The following COQ6 variants were observed in gnomAD, a reference collection of about 807,000 sequenced individuals.
COQ6 encodes the protein ubiquinone biosynthesis monooxygenase COQ6, mitochondrial.
COQ6 carries 45 observed loss-of-function variants against 55.5 expected under a neutral mutation model. That is an observed-to-expected ratio of 0.81 (90% CI 0.64 to 1.04). COQ6 has a LOEUF of 1.04. COQ6 is among the 50% of genes least tolerant of loss of function. The pLI is 0.00. For synonymous variants in COQ6, 206 were observed against 230.5 expected, an observed-to-expected ratio of 0.89 and a Z score of 0.96; for missense variants, 550 against 601.3, an observed-to-expected ratio of 0.91 and a Z score of 0.89.
chr14:73,955,817 T>G lies in COQ6; in HGVS notation c.370T>G (p.Cys124Gly). Residue 124 changes from cysteine to glycine, a missense_variant, in exon 4 of 12, where the codon TGC (cysteine) becomes GGC (glycine). Coordinates refer to ENST00000334571, the MANE Select transcript of COQ6 (RefSeq NM_182476.3). ...AFRRMQVWDA[C>G]SEALIMFDKD... ...TTTGTGTTTCCAGGTGTGGGACGCCTGCTCAGAGGCCCTGATAATGTTTGA... is the reference window on the plus strand; with the variant it reads ...TTTGTGTTTCCAGGTGTGGGACGCCGGCTCAGAGGCCCTGATAATGTTTGA... The G allele has an allele frequency of 6.2e-7, 1 of 1,614,190 alleles. No individual in the cohort carries two copies. Among genetic ancestry groups the G allele is most frequent in the Non-Finnish European group, 8.5e-7 (1 of 1,180,022 alleles).
intron 11 of COQ6, 102 bp from the exon 12 acceptor site, chr14:73,962,868 C>T: frequency 9.9e-7 from 1 of 1,006,370 alleles, no homozygotes; most frequent in Non-Finnish European, 1.5e-6. Flanking sequence ...TGAAATAAAA[C>T]AAGGACACTT....
chr14:73,950,785 T>C lies in COQ6; in HGVS notation c.163+290T>C, dbSNP rs76260393. 8.5e-3 allele frequency among the ~76,000 whole-genome samples: 1,295 copies of C among 152,350 alleles called. 8 individuals carry two copies. Among genetic ancestry groups the C allele is most frequent in the African/African-American group, 0.03 (1,237 of 41,582 alleles). Reference sequence around the variant, plus strand: ...TCCAGTTTCTCCAGATCCTGGACAGTACTTGTCATTGTCTTTTTGTTTATA... The same window carrying C: ...TCCAGTTTCTCCAGATCCTGGACAGCACTTGTCATTGTCTTTTTGTTTATA... On this transcript the variant is annotated intron_variant, in intron 1 of 11. Coordinates refer to ENST00000334571, the MANE Select transcript of COQ6 (RefSeq NM_182476.3).
intron 5 of COQ6, chr14:73,958,606 T>G: frequency 7.8e-7 from 1 of 1,287,944 alleles, no homozygotes; most frequent in Middle Eastern, 3.2e-4. Flanking sequence ...TTCTCCTTTC[T>G]GCTCACAAGC....
At position 73,961,904 on chromosome 14, in the gene COQ6, G is replaced by GT; in HGVS notation, c.1377+2dup. ...CACAAATGCAGTGTCTCCACTCAAA[G>GT]TAAGAGGTTGCTCAGAGGAATGACT... On this transcript the variant is annotated splice_donor_variant, in intron 11 of 11. Transcript: ENST00000334571. LOFTEE classifies it high-confidence loss of function. 6.2e-7 allele frequency: 1 copy of GT among 1,614,120 alleles called. No homozygotes were observed. The highest frequency in any genetic ancestry group is 8.5e-7 in the Non-Finnish European group (1 of 1,180,000).
rs891068944 is a variant in COQ6, at chr14:73,953,476, G to A, written c.205G>A (p.Glu69Lys). The part of the protein sequence containing the change: ...HFHDKKILLL[E>K]AGPKKVLEKL... ...TCATGACAAGAAAATCCTGTTGCTCGAAGCAGGTCCAAAGAAAGTACTGGA... is the reference window on the plus strand; with the variant it reads ...TCATGACAAGAAAATCCTGTTGCTCAAAGCAGGTCCAAAGAAAGTACTGGA... Residue 69 changes from glutamate (E) to lysine (K), a missense_variant, in exon 2 of 12, where the codon GAA becomes AAA. Coordinates refer to ENST00000334571, the MANE Select transcript of COQ6 (RefSeq NM_182476.3). The A allele has an allele frequency of 6.8e-6, 11 of 1,613,826 alleles. No homozygotes were observed. The highest frequency in any genetic ancestry group is 1.1e-5 in the South Asian group (1 of 91,080).
chr14:73,959,935 A>G (rs1594808315), intron 8 of COQ6: 4 of 1,153,006 alleles, frequency 3.5e-6, no homozygotes, highest in East Asian at 6.2e-5. Flanking sequence ...CTTTGTAACT[A>G]TAATGCTTGG....
In COQ6 at chr14:73,958,972, T is replaced by C. The variant is rs1294917437; in HGVS notation, c.614T>C (p.Ile205Thr). 6.2e-7 allele frequency: 1 copy of C among 1,613,770 alleles called. No homozygotes were observed. Among genetic ancestry groups the C allele is most frequent in the Admixed American group, 1.7e-5 (1 of 60,024 alleles). ...TAGCAGGCTCATGTGTCCATGCAGA[T>C]AGGTGCAGATGGTCACAACTCCGGA... The part of the protein sequence containing the change: ...DGSTFQTKLL[I>T]GADGHNSGVR... Residue 205 changes from isoleucine to threonine, a missense_variant and splice_region_variant, in exon 6 of 12, where the codon ATA (isoleucine) becomes ACA (threonine). Physicochemically the swap from Ile to Thr is moderately conservative, Grantham distance 89. Coordinates refer to ENST00000334571, the MANE Select transcript of COQ6 (RefSeq NM_182476.3).
At position 73,959,815 on chromosome 14, in the gene COQ6, C is replaced by T. The variant is rs1038679922; in HGVS notation, c.891+293C>T. The T allele has an allele frequency of 5.4e-6, 7 of 1,287,754 alleles. No individual in the cohort carries two copies. In the African/African-American group the frequency reaches 9.0e-5, roughly 17 times the overall value. The allele number at this position is 1,287,754 out of a possible 1,614,324, so 79.8% of individuals were successfully genotyped here. On this transcript the variant is annotated intron_variant, in intron 8 of 11. Transcript: ENST00000334571. ...AAACTCCTGACCTCAAGTGATCTGCCTGCCTTGGCCTCCCAAAGTGCTGGG... is the reference window on the plus strand; with the variant it reads ...AAACTCCTGACCTCAAGTGATCTGCTTGCCTTGGCCTCCCAAAGTGCTGGG...
chr14:73,955,175 T>C (rs1191513303), intron 2 of COQ6, among the ~76,000 whole-genome samples: 1 of 151,876 alleles, frequency 6.6e-6, no homozygotes, highest in South Asian at 2.1e-4. Flanking sequence ...GGATGGTCTC[T>C]ATCTCCTGAT....
chr14:73,956,229 G>T, intron 4 of COQ6: 1 of 351,850 alleles, frequency 2.8e-6, no homozygotes, highest in Non-Finnish European at 5.6e-6. Context: ...TTGGGAGGCT[G>T]AGGCAGGAGA....
rs1221864840 is a variant in COQ6 at position 73,963,093 on chromosome 14, A to AAAC, written c.*95_*97dup. ...TTTTCAAGATCTTATTTAATTTAAT[A>AAAC]AACTTACTTTACATTAAAATTCTCT... is the stretch of plus-strand genomic sequence containing the variant. On this transcript the variant is annotated 3_prime_UTR_variant, in exon 12 of 12. Transcript: ENST00000334571. The AAAC allele has an allele frequency of 9.5e-7, 1 of 1,055,526 alleles. No individual in the cohort carries two copies. Among genetic ancestry groups the AAAC allele is most frequent in the Non-Finnish European group, 1.5e-6 (1 of 677,612 alleles). 65.4% of individuals were successfully genotyped at this position (1,055,526 alleles called of 1,614,324 possible).
At chr14:73,954,334 G>T (rs1388852421) in intron 2 of COQ6, among the ~76,000 whole-genome samples, 1 of 152,174 alleles carries the variant, frequency 6.6e-6, no homozygotes, top group African/African-American at 2.4e-5. Flanking sequence ...GCACAGTCAT[G>T]TGTACCTATA....
chr14:73,961,957 T>C, intron 11 of COQ6, 54 bp downstream of exon 11: 1 of 1,577,240 alleles, frequency 6.3e-7, no homozygotes, highest in Non-Finnish European at 8.7e-7. Context: ...TTTCTTTTGC[T>C]TTTTTTTGAA....
Position 73,953,447 on chromosome 14 carries a change from A to G in COQ6, c.176A>G (p.His59Arg). ...TTCTTTTTTTAAGGATATGATATTC[A>G]CTTTCATGACAAGAAAATCCTGTTG... is the stretch of plus-strand genomic sequence containing the variant. ...AMACALGYDI[H>R]FHDKKILLLE... Residue 59 changes from histidine (H) to arginine (R), a missense_variant, in exon 2 of 12, where the codon CAC becomes CGC. By Grantham distance (29) the His-to-Arg change is conservative (BLOSUM62 0). Coordinates refer to ENST00000334571, the MANE Select transcript of COQ6 (RefSeq NM_182476.3). 6.2e-7 allele frequency: 1 copy of G among 1,613,842 alleles called. No homozygotes were observed. Among genetic ancestry groups the G allele is most frequent in the Non-Finnish European group, 8.5e-7 (1 of 1,179,732 alleles).
rs563607218 is a variant in COQ6, at chr14:73,959,567, T to C, written c.891+45T>C. ...GCTGATGATGTGCTGCAGGGGGAGA[T>C]ACAGAAAGGTGTTGTTTTTTTTTTT... On this transcript the variant is annotated intron_variant, in intron 8 of 11. Coordinates refer to ENST00000334571, the MANE Select transcript of COQ6 (RefSeq NM_182476.3). The C allele has an allele frequency of 4.0e-5, 65 of 1,613,856 alleles. No individual in the cohort carries two copies. The Middle Eastern group carries it at 4.9e-4, about 12-fold the overall frequency.
chr14:73,950,166 G>A, upstream of COQ6: 2 of 1,579,658 alleles, frequency 1.3e-6, no homozygotes, highest in Non-Finnish European at 1.7e-6. Flanking sequence ...GATCCATCCC[G>A]CCCGAGGAGG....
At chr14:73,961,940 C>T (rs1164444815) in intron 11 of COQ6, 37 bp downstream of exon 11, 2 of 1,610,420 alleles carry the variant, frequency 1.2e-6, no homozygotes, top group Non-Finnish European at 1.7e-6. Flanking sequence ...TTGCAAACAG[C>T]TCTTAATTTC....
At position 73,959,371 on chromosome 14, in the gene COQ6, G is replaced by A. The variant is rs200907223; in HGVS notation, c.784-44G>A. 6 of 1,614,164 alleles carry A rather than the reference G, an allele frequency of 3.7e-6. No homozygotes were observed. The East Asian group carries it at 1.3e-4, about 36-fold the overall frequency. ...TTTTTATGCTTGAGAGTTTCCAAGT[G>A]CAGCAGAGTCTTAGCCGTTGGTATT... On this transcript the variant is annotated intron_variant, in intron 7 of 11. Coordinates refer to ENST00000334571, the MANE Select transcript of COQ6 (RefSeq NM_182476.3).
At position 73,961,515 on chromosome 14, in the gene COQ6, T is replaced by C; in HGVS notation, c.1155T>C (p.Asp385=). Residue 385 remains aspartate, a synonymous_variant, in exon 10 of 12, where the codon GAT becomes GAC. Coordinates refer to ENST00000334571, the MANE Select transcript of COQ6 (RefSeq NM_182476.3). ...AGQGVNMGFG[D]ISSLAHHLST... ...AGGGTGTCAACATGGGCTTTGGGGA[T>C]ATCTCCAGCTTGGCCCATCACCTCA... The C allele has an allele frequency of 6.2e-7, 1 of 1,614,206 alleles. No homozygotes were observed. The highest frequency in any genetic ancestry group is 1.1e-5 in the South Asian group (1 of 91,084).
Sources: allele counts gnomAD v4.1 joint callset (sites outside exome capture counted in the v4.1 genomes callset), GRCh38; gene constraint gnomAD v4.1.1; transcripts MANE v1.5; gene names NCBI Gene and HGNC (gene_info 2026-07-23, HGNC 2026-07-21).